Variants in ARID1B observed in about 807,000 individuals in gnomAD.
ARID1B encodes AT-rich interactive domain-containing protein 1B.
ARID1B carries 30 observed loss-of-function variants against 212.3 expected under a neutral mutation model. The ratio of observed to expected loss-of-function variants is 0.14; its 90% CI spans 0.11 to 0.19. The LOEUF (loss-of-function observed/expected upper bound fraction) is 0.19, where lower values mean the gene tolerates loss of function less well. Among genes scored for constraint, ARID1B ranks in the 10% least tolerant of loss-of-function variants. The pLI is 1.00. For synonymous variants in ARID1B, 1,402 were observed against 1,301.7 expected, an observed-to-expected ratio of 1.08 and a Z score of -1.66; for missense variants, 2,891 against 3,204.0, an observed-to-expected ratio of 0.90 and a Z score of 2.36.
At chr6:156,977,307 A>G (rs1777315432) in intron 4 of ARID1B, among the ~76,000 whole-genome samples, 1 of 148,460 alleles carries the variant, frequency 6.7e-6, no homozygotes, top group Non-Finnish European at 1.5e-5. Context: ...TTTAAACAGC[A>G]GCTCTAACTA....
intron 3 of ARID1B, among the ~76,000 whole-genome samples, chr6:156,933,306 C>G (rs4615403): frequency 0.043 from 6,551 of 151,896 alleles, 413 homozygotes; most frequent in African/African-American, 0.14. Flanking sequence ...GAGGCGGGGC[C>G]TGCTCATTTG....
intron 7 of ARID1B, chr6:157,140,499 A>G (rs1266633804): frequency 2.5e-6 from 1 of 396,882 alleles, no homozygotes; most frequent in South Asian, 1.4e-4. Context: ...CTTTTTGCCT[A>G]TTCCTTGGCT....
rs1778955499 is a variant in ARID1B at position 156,779,007 on chromosome 6, G to A, written c.1327G>A (p.Gly443Ser). Residue 443 changes from glycine to serine, a missense_variant, in exon 1 of 20, where the codon GGC (glycine) becomes AGC (serine). Physicochemically the swap from Gly to Ser is moderately conservative, Grantham distance 56. Around this residue, in one of 7 missense-constraint regions of ARID1B, gnomAD observed 1,643 missense variants for 1,544.0 expected, o/e 1.06. Coordinates refer to ENST00000636930, the MANE Select transcript of ARID1B (RefSeq NM_001374828.1). ...AGGGGGGGYGGSSAGYGVLSS... is the reference protein window; with the variant it reads ...AGGGGGGGYGSSSAGYGVLSS... ...AGGCGGCGGCGGCGGCGGCTATGGG[G>A]GCTCGTCCGCGGGGTACGGGGTGCT... 24 of 1,266,552 alleles carry A rather than the reference G, an allele frequency of 1.9e-5. No homozygotes were observed. The highest frequency in any genetic ancestry group is 2.3e-5 in the Non-Finnish European group (23 of 1,016,890). 78.5% of individuals were successfully genotyped at this position (1,266,552 alleles called of 1,614,324 possible).
At chr6:157,130,346 A>G (rs1041611210) in intron 6 of ARID1B, among the ~76,000 whole-genome samples, 10 of 152,214 alleles carry the variant, frequency 6.6e-5, no homozygotes, top group African/African-American at 2.4e-4. Flanking sequence ...CATGATCTCT[A>G]TGAAATTGAA....
chr6:157,101,943 T>C (rs1786073178), intron 5 of ARID1B, among the ~76,000 whole-genome samples: 1 of 152,210 alleles, frequency 6.6e-6, no homozygotes, highest in African/African-American at 2.4e-5. Context: ...GCTGTAATGA[T>C]GTGAAAGGAA....
In ARID1B at chr6:157,110,495, C is replaced by T. The variant is rs2128517968; in HGVS notation, c.2515C>T (p.Pro839Ser). The T allele has an allele frequency of 6.2e-7, 1 of 1,614,128 alleles. No homozygotes were observed. Among genetic ancestry groups the T allele is most frequent in the Admixed American group, 1.7e-5 (1 of 60,010 alleles). Residue 839 changes from proline (P) to serine (S), a missense_variant, in exon 6 of 20, where the codon CCC (proline) becomes TCC (serine). Around this residue, in one of 7 missense-constraint regions of ARID1B, gnomAD observed 1,643 missense variants for 1,544.0 expected, o/e 1.06. Transcript: ENST00000636930. ...IPGSQMPPQP[P>S]GSQSESSSHP... ...AGGTAGTCAGATGCCTCCGCAGCCA[C>T]CCGGGAGCCAGTCAGAATCCAGTTC...
intron 4 of ARID1B, among the ~76,000 whole-genome samples, chr6:157,010,131 A>G (rs1271848481): frequency 1.3e-5 from 2 of 152,192 alleles, no homozygotes; most frequent in African/African-American, 4.8e-5. Context: ...TCACACTTAT[A>G]CCACTGATTC....
chr6:157,004,904 T>G (rs9478744), intron 4 of ARID1B, among the ~76,000 whole-genome samples: 11,868 of 31,738 alleles, frequency 0.37, 2,884 homozygotes, highest in East Asian at 0.53. Flanking sequence ...TTTCTTTTTT[T>G]TTTTTTTTTT....
chr6:156,910,186 G>T (rs1789753146), intron 3 of ARID1B, among the ~76,000 whole-genome samples: 2 of 152,192 alleles, frequency 1.3e-5, no homozygotes, highest in Admixed American at 1.3e-4. Context: ...GGTGATGATG[G>T]TCTCTGGGGC....
chr6:157,202,086 T>C (rs1165959961), intron 18 of ARID1B, among the ~76,000 whole-genome samples: 1 of 152,210 alleles, frequency 6.6e-6, no homozygotes, highest in Non-Finnish European at 1.5e-5. Context: ...TGATAGATGG[T>C]ATGACATAAA....
intron 2 of ARID1B, among the ~76,000 whole-genome samples, chr6:156,836,433 A>G (rs1783516956): frequency 6.6e-6 from 1 of 152,034 alleles, no homozygotes; most frequent in South Asian, 2.1e-4. Flanking sequence ...TTCTTGGCCC[A>G]CTCGGTGAAT....
intron 3 of ARID1B, among the ~76,000 whole-genome samples, chr6:156,908,353 A>G (rs1194072826): frequency 6.6e-6 from 1 of 152,214 alleles, no homozygotes; most frequent in African/African-American, 2.4e-5. Flanking sequence ...AAAGTTCGTA[A>G]TAGCCTTTAT....
intron 4 of ARID1B, among the ~76,000 whole-genome samples, chr6:157,079,807 A>G (rs757447833): frequency 6.6e-6 from 1 of 152,240 alleles, no homozygotes; most frequent in South Asian, 2.1e-4. Context: ...CGCACTTGGC[A>G]CAAGAAGTCA....
intron 1 of ARID1B, among the ~76,000 whole-genome samples, chr6:156,828,079 T>TC (rs35717039): frequency 3.3e-4 from 49 of 150,044 alleles, no homozygotes; most frequent in South Asian, 8.5e-4. Flanking sequence ...TTTTTTTTTT[T>TC]CAAGAGACAG....
At chr6:156,886,901 A>T (rs1582877287) in intron 2 of ARID1B, among the ~76,000 whole-genome samples, 1 of 152,120 alleles carries the variant, frequency 6.6e-6, no homozygotes, top group Admixed American at 6.5e-5. Context: ...CTTTACACCA[A>T]CTCAAACTAT....
chr6:156,851,731 T>A (rs1239859863), intron 2 of ARID1B, among the ~76,000 whole-genome samples: 1 of 152,240 alleles, frequency 6.6e-6, no homozygotes. Context: ...TTAATTTATT[T>A]GAATATTTAT....
chr6:157,132,973 A>G, intron 6 of ARID1B, 55 bp from the exon 7 acceptor site: 4 of 1,542,142 alleles, frequency 2.6e-6, no homozygotes, highest in Non-Finnish European at 3.5e-6. Flanking sequence ...ATTTTTATGT[A>G]TGCAGAGATT....
At chr6:157,199,113 C>T (rs146907449) in intron 17 of ARID1B, among the ~76,000 whole-genome samples, 1 of 152,166 alleles carries the variant, frequency 6.6e-6, no homozygotes, top group East Asian at 1.9e-4. Context: ...TACACGGTTT[C>T]TTGAAACACA....
At chr6:156,805,564 T>G (rs934800729) in intron 1 of ARID1B, among the ~76,000 whole-genome samples, 1 of 152,186 alleles carries the variant, frequency 6.6e-6, no homozygotes, top group Non-Finnish European at 1.5e-5. Flanking sequence ...CTCTCTCTGC[T>G]CTCAGAGGGC....
Sources: gnomAD v4.1 joint callset for allele counts (sites outside exome capture counted in the v4.1 genomes callset) on GRCh38, gnomAD v4.1.1 for gene constraint, gnomAD v4.1.1 regional missense constraint, MANE v1.5 for transcripts, NCBI Gene and HGNC (gene_info 2026-07-23, HGNC 2026-07-21) for gene names.